Variants in PIK3CD observed in about 807,000 individuals in gnomAD.
PIK3CD encodes phosphatidylinositol-4,5-bisphosphate 3-kinase catalytic subunit delta, also known as phosphatidylinositol 4,5-bisphosphate 3-kinase catalytic subunit delta isoform.
PIK3CD carries 20 observed loss-of-function variants against 122.9 expected under a neutral mutation model. The observed-to-expected ratio is 0.16, with a 90% CI of 0.11 to 0.24. The LOEUF (loss-of-function observed/expected upper bound fraction) is 0.24. Among genes scored for constraint, PIK3CD ranks in the 10% least tolerant of loss-of-function variants. PIK3CD has a pLI of 1.00. For synonymous variants in PIK3CD, 596 were observed against 593.4 expected, an observed-to-expected ratio of 1.00 and a Z score of -0.06; for missense variants, 787 against 1,406.3, an observed-to-expected ratio of 0.56 and a Z score of 7.04.
chr1:9,728,920 G>GA lies in PIK3CD; in HGVS notation c.*1879dup, dbSNP rs1228055081. 6.6e-6 allele frequency: 1 copy of GA among 152,182 alleles called. No homozygotes were observed. The highest frequency in any genetic ancestry group is 2.4e-5 in the African/African-American group (1 of 41,440). The allele number at this position is 152,182 out of a possible 1,614,324, so 9.4% of individuals were successfully genotyped here. ...AGAAGTAAAGGCAGATGAAAAGAAA[G>GA]AAAAAGCCTTTTTATGTTCTTTTAT... On this transcript the variant is annotated 3_prime_UTR_variant, in exon 24 of 24. Transcript: ENST00000377346.
chr1:9,683,079 G>T (rs1645824599), intron 1 of PIK3CD, among the ~76,000 whole-genome samples: 1 of 143,172 alleles, frequency 7.0e-6, no homozygotes, highest in Admixed American at 7.0e-5. Flanking sequence ...TCGCTAAGAT[G>T]GCACCACTGC....
rs145985960 is a variant in PIK3CD at position 9,718,900 on chromosome 1, G to A, written c.1227G>A (p.Lys409=). 23 of 1,612,692 alleles carry A rather than the reference G, an allele frequency of 1.4e-5. No individual in the cohort carries two copies. The African/African-American group carries it at 2.8e-4, about 20-fold the overall frequency. ...CCAAGAAGGCTCGCTCCACCAAGAAGAAGTCCAAGAAGGCGGTGGGTCCCA... is the reference window on the plus strand; with the variant it reads ...CCAAGAAGGCTCGCTCCACCAAGAAAAAGTCCAAGAAGGCGGTGGGTCCCA... ...EKAKKARSTK[K]KSKKADCPIA... Residue 409 remains lysine, a synonymous_variant, in exon 9 of 24, where the codon AAG becomes AAA. Transcript: ENST00000377346. The surrounding 1 kb of genome is among the most constrained non-coding windows in gnomAD (Gnocchi z 7.2).
At chr1:9,661,891 G>A (rs372405478) in intron 1 of PIK3CD, among the ~76,000 whole-genome samples, 5 of 152,164 alleles carry the variant, frequency 3.3e-5, no homozygotes, top group African/African-American at 1.2e-4. Context: ...AGCTACTTGG[G>A]AGGCTGAGGC....
chr1:9,673,670 C>T (rs971807899), intron 1 of PIK3CD, among the ~76,000 whole-genome samples: 1 of 152,116 alleles, frequency 6.6e-6, no homozygotes, highest in African/African-American at 2.4e-5. Context: ...CCCGAAGTGC[C>T]GGAATTGCAG....
At chr1:9,653,873 T>C in intron 1 of PIK3CD, 2 of 1,367,532 alleles carry the variant, frequency 1.5e-6, no homozygotes, top group Non-Finnish European at 2.0e-6. Flanking sequence ...TTTCACAGAA[T>C]GATGGAAGAC....
chr1:9,676,404 C>T (rs1383169081), intron 1 of PIK3CD, among the ~76,000 whole-genome samples: 3 of 152,188 alleles, frequency 2.0e-5, no homozygotes, highest in African/African-American at 4.8e-5. Flanking sequence ...ATGGAGTTGG[C>T]GTCTTGGACT....
chr1:9,629,158 G>C, the PIK3CD span, among the ~76,000 whole-genome samples: 1 of 152,078 alleles, frequency 6.6e-6, no homozygotes, highest in South Asian at 2.1e-4. Flanking sequence ...TTGCGGCCCC[G>C]GGAGGAAAGG....
Position 9,724,111 on chromosome 1 carries a change from G to A in PIK3CD, c.2718+19G>A. On this transcript the variant is annotated intron_variant, in intron 21 of 23. Coordinates refer to ENST00000377346, the MANE Select transcript of PIK3CD (RefSeq NM_005026.5). This position sits in a 1 kb window ranked among gnomAD's most constrained non-coding sequence, Gnocchi z 7.3. Reference sequence around the variant, plus strand: ...TGGGCAGGTACAGGGGCTGGTGCTGGCGGCTGCTGTGGGGACTTGGCTTCT... The same window carrying A: ...TGGGCAGGTACAGGGGCTGGTGCTGACGGCTGCTGTGGGGACTTGGCTTCT... 6.2e-7 allele frequency: 1 copy of A among 1,614,052 alleles called. No homozygotes were observed. Among genetic ancestry groups the A allele is most frequent in the South Asian group, 1.1e-5 (1 of 91,082 alleles).
At chr1:9,691,829 T>G in intron 2 of PIK3CD, 1 of 329,012 alleles carries the variant, frequency 3.0e-6, no homozygotes, top group Non-Finnish European at 5.5e-6. Context: ...GGCTTTGCTT[T>G]GAGGAGTCCT....
the PIK3CD span, among the ~76,000 whole-genome samples, chr1:9,632,299 A>C: frequency 1.3e-5 from 2 of 152,186 alleles, no homozygotes; most frequent in African/African-American, 4.8e-5. Flanking sequence ...GGCGTGAGCC[A>C]CCGCACCTGG....
rs1649785669 is a variant in PIK3CD, at chr1:9,727,146, C to T, written c.*100C>T. ...GCTGAAGAGCCTGAACTGCACCTAA[C>T]GGGAAAGAACCGACATGGCTGCCTT... On this transcript the variant is annotated 3_prime_UTR_variant, in exon 24 of 24. Transcript: ENST00000377346. 8 of 1,343,924 alleles carry T rather than the reference C, an allele frequency of 6.0e-6. No homozygotes were observed. The highest frequency in any genetic ancestry group is 4.7e-5 in the East Asian group (2 of 42,312). 83.2% of individuals were successfully genotyped at this position (1,343,924 alleles called of 1,614,324 possible). A position where few individuals can be genotyped will look rare whatever the true frequency, so the allele number is the denominator to read the frequency against.
chr1:9,689,508 G>T lies in PIK3CD; in HGVS notation c.-137-1959G>T, dbSNP rs1646109509. 1.4e-5 allele frequency among the ~76,000 whole-genome samples: 1 copy of T among 71,422 alleles called. No individual in the cohort carries two copies. The highest frequency in any genetic ancestry group is 3.8e-4 in the East Asian group (1 of 2,646). 46.9% of individuals were successfully genotyped at this position (71,422 alleles called of 152,430 possible). A position where few individuals can be genotyped will look rare whatever the true frequency, so the allele number is the denominator to read the frequency against. ...CCGCCCCCAGCCGGCGCCCCGCCCC[G>T]CCTGCCAGTAGTCCCAGCCCCGCCC... On this transcript the variant is annotated intron_variant, in intron 1 of 23. Coordinates refer to ENST00000377346, the MANE Select transcript of PIK3CD (RefSeq NM_005026.5). The surrounding 1 kb of genome is among the most constrained non-coding windows in gnomAD (Gnocchi z 6.1).
chr1:9,665,552 A>G (rs996602069), intron 1 of PIK3CD, among the ~76,000 whole-genome samples: 3 of 151,626 alleles, frequency 2.0e-5, no homozygotes, highest in Admixed American at 1.3e-4. Flanking sequence ...TCTATTCTAC[A>G]CTGTGTGGGC....
rs1648961802 is a variant in PIK3CD at position 9,723,173 on chromosome 1, T to C, written c.2475T>C (p.Ile825=). 6.2e-7 allele frequency: 1 copy of C among 1,613,810 alleles called. No homozygotes were observed. The highest frequency in any genetic ancestry group is 2.2e-5 in the East Asian group (1 of 44,880). Residue 825 remains isoleucine, a synonymous_variant, in exon 20 of 24, where the codon ATT becomes ATC. Coordinates refer to ENST00000377346, the MANE Select transcript of PIK3CD (RefSeq NM_005026.5). This position sits in a 1 kb window ranked among gnomAD's most constrained non-coding sequence, Gnocchi z 4.9. The part of the protein sequence containing the change: ...CLPTGDRTGL[I]EVVLRSDTIA... ...CCACCGGGGACCGCACAGGCCTCAT[T>C]GAGGTGGTACTCCGTTCAGACACCA...
chr1:9,667,319 A>G (rs142516769), intron 1 of PIK3CD, among the ~76,000 whole-genome samples: 45 of 152,150 alleles, frequency 3.0e-4, no homozygotes, highest in African/African-American at 1.1e-3. Context: ...TGACCAATTT[A>G]TCCCAGTGAC....
At chr1:9,678,159 CAAAAACAA>C (rs1275942181) in intron 1 of PIK3CD, among the ~76,000 whole-genome samples, 4 of 140,008 alleles carry the variant, frequency 2.9e-5, no homozygotes, top group East Asian at 2.1e-4. Context: ...AAAAAAAAAA[CAAAAACAA>C]AAAAACAAAA....
intron 1 of PIK3CD, chr1:9,654,122 A>G: frequency 8.4e-7 from 1 of 1,191,782 alleles, no homozygotes; most frequent in Non-Finnish European, 1.1e-6. Context: ...CAACTAAGCT[A>G]GCCTCCTTCT....
At chr1:9,650,181 TG>T (rs1455641272), upstream of PIK3CD, among the ~76,000 whole-genome samples, 1 of 152,128 alleles carries the variant, frequency 6.6e-6, no homozygotes, top group African/African-American at 2.4e-5. Context: ...CCCAGCACTT[TG>T]GGAGCCTGAG....
intron 1 of PIK3CD, chr1:9,662,382 G>A (rs918416210): frequency 1.7e-5 from 3 of 172,378 alleles, no homozygotes; most frequent in South Asian, 1.6e-4. Flanking sequence ...GTGGACAGTC[G>A]TGCCATTAGA....
Sources: allele counts gnomAD v4.1 joint callset (sites outside exome capture counted in the v4.1 genomes callset), GRCh38; gene constraint gnomAD v4.1.1; non-coding constraint Gnocchi (gnomAD v3.1); transcripts MANE v1.5; gene names NCBI Gene and HGNC (gene_info 2026-07-23, HGNC 2026-07-21).